Variants in UCHL3 observed in about 807,000 individuals in gnomAD.
UCHL3 encodes ubiquitin carboxyl-terminal hydrolase isozyme L3.
A neutral mutation model predicts 35.8 loss-of-function variants in UCHL3; 22 were observed. That is an observed-to-expected ratio of 0.61 (90% CI 0.44 to 0.88). The LOEUF (loss-of-function observed/expected upper bound fraction) is 0.88. Ranked by LOEUF, UCHL3 falls within the 40% of genes least tolerant of loss-of-function variation. The pLI, the probability that UCHL3 is intolerant of heterozygous loss-of-function variation, is 0.00. For synonymous variants in UCHL3, 90 were observed against 92.8 expected (o/e 0.97, Z 0.17); for missense variants, 229 against 276.9 (o/e 0.83, Z 1.23).
chr13:75,560,907 T>G (rs781315665), intron 3 of UCHL3, 26 bp downstream of exon 3: 2 of 1,488,608 alleles, frequency 1.3e-6, no homozygotes, highest in African/African-American at 2.9e-5. Context: ...AATAGAAAGT[T>G]TCTGGTAAAT....
chr13:75,602,041 A>G (rs949167456), intron 7 of UCHL3, among the ~76,000 whole-genome samples: 19 of 152,212 alleles, frequency 1.2e-4, no homozygotes, highest in Middle Eastern at 3.4e-3. Flanking sequence ...CCCGGGAGGC[A>G]GAGCTTGCAG....
At chr13:75,587,162 A>C (rs1441039349) in intron 6 of UCHL3, among the ~76,000 whole-genome samples, 1 of 152,030 alleles carries the variant, frequency 6.6e-6, no homozygotes, top group Non-Finnish European at 1.5e-5. Context: ...AATAAAGGGA[A>C]TATTGTTTAA....
At chr13:75,550,484 C>T (rs1449119224) in intron 2 of UCHL3, among the ~76,000 whole-genome samples, 2 of 152,180 alleles carry the variant, frequency 1.3e-5, no homozygotes, top group Non-Finnish European at 2.9e-5. Context: ...TTCCCCGCCA[C>T]GCCCCCTTTA....
chr13:75,559,283 A>T (rs9543975), intron 2 of UCHL3, among the ~76,000 whole-genome samples: 1 of 151,746 alleles, frequency 6.6e-6, no homozygotes, highest in Non-Finnish European at 1.5e-5. Context: ...CTCGTGATCC[A>T]CCCGCCTCGG....
At chr13:75,593,249 A>G (rs2032559573) in intron 6 of UCHL3, among the ~76,000 whole-genome samples, 1 of 152,176 alleles carries the variant, frequency 6.6e-6, no homozygotes, top group Non-Finnish European at 1.5e-5. Context: ...TATAGAATTA[A>G]AGTTACAGTT....
intron 6 of UCHL3, among the ~76,000 whole-genome samples, chr13:75,589,335 T>C (rs963415983): frequency 6.6e-6 from 1 of 152,190 alleles, no homozygotes; most frequent in African/African-American, 2.4e-5. Context: ...AAAAGATGCG[T>C]ATTATATTTA....
intron 7 of UCHL3, among the ~76,000 whole-genome samples, chr13:75,599,577 G>T (rs1169367539): frequency 1.3e-5 from 2 of 152,026 alleles, no homozygotes; most frequent in African/African-American, 4.8e-5. Flanking sequence ...ATCTGTTATG[G>T]TATCTGTGAT....
intron 6 of UCHL3, among the ~76,000 whole-genome samples, chr13:75,587,635 G>A (rs950388809): frequency 6.6e-6 from 1 of 152,132 alleles, no homozygotes; most frequent in African/African-American, 2.4e-5. Context: ...GAAGTAAAAT[G>A]TCATAGTCAA....
chr13:75,599,633 A>G (rs2138584865), intron 7 of UCHL3, among the ~76,000 whole-genome samples: 1 of 152,264 alleles, frequency 6.6e-6, no homozygotes, highest in East Asian at 1.9e-4. Context: ...GGATGCCACA[A>G]ACTATACCCA....
At chr13:75,602,672 A>G (rs2032808207) in intron 7 of UCHL3, among the ~76,000 whole-genome samples, 1 of 152,214 alleles carries the variant, frequency 6.6e-6, no homozygotes, top group Non-Finnish European at 1.5e-5. Context: ...TCTGTGAAGG[A>G]CCAAGTAGTA....
rs115651477 is a variant in UCHL3 at position 75,559,677 on chromosome 13, G to A, written c.55-1076G>A. ...TCTAAGTACATGTGATCATTCTTCAGGGAGAAATGCCTATGGCACCTTTTT... is the reference window on the plus strand; with the variant it reads ...TCTAAGTACATGTGATCATTCTTCAAGGAGAAATGCCTATGGCACCTTTTT... On this transcript the variant is annotated intron_variant, in intron 2 of 8. Coordinates refer to ENST00000377595, the MANE Select transcript of UCHL3 (RefSeq NM_006002.5). 4.1e-3 allele frequency among the ~76,000 whole-genome samples: 630 copies of A among 152,284 alleles called. 8 individuals are homozygous for A. Among genetic ancestry groups the A allele is most frequent in the African/African-American group, 0.015 (613 of 41,560 alleles).
rs375665851 is a variant in UCHL3, at chr13:75,563,125, CTTTATGTATGTA to C, written c.183+2246_183+2257del. Among the ~76,000 whole-genome samples, 976 of 146,248 alleles carry C rather than the reference CTTTATGTATGTA, an allele frequency of 6.7e-3. 11 individuals are homozygous for C. The highest frequency in any genetic ancestry group is 8.3e-3 in the Non-Finnish European group (555 of 67,162). On this transcript the variant is annotated intron_variant, in intron 3 of 8. Coordinates refer to ENST00000377595, the MANE Select transcript of UCHL3 (RefSeq NM_006002.5). Reference sequence around the variant, plus strand: ...GAACTGTCATGGGTACCTCATTATCCTTTATGTATGTATGTATGTATGTATGTATGTATGTAT... The same window carrying C: ...GAACTGTCATGGGTACCTCATTATCCTGTATGTATGTATGTATGTATGTAT...
At chr13:75,569,539 TATA>T (rs750915224) in intron 6 of UCHL3, 32 bp downstream of exon 6, 15 of 1,582,430 alleles carry the variant, frequency 9.5e-6, no homozygotes, top group African/African-American at 1.4e-5. Context: ...TTTTTCTTGC[TATA>T]AATTTAACCA....
chr13:75,575,916 T>C (rs1455770604), intron 6 of UCHL3, among the ~76,000 whole-genome samples: 1 of 151,856 alleles, frequency 6.6e-6, no homozygotes, highest in Non-Finnish European at 1.5e-5. Flanking sequence ...CACACCCAGC[T>C]AATTTTTATA....
At chr13:75,600,888 C>A (rs2032766195) in intron 7 of UCHL3, among the ~76,000 whole-genome samples, 1 of 152,100 alleles carries the variant, frequency 6.6e-6, no homozygotes, top group Admixed American at 6.6e-5. Context: ...AAAGGATTCA[C>A]CATTTTAGAT....
intron 7 of UCHL3, among the ~76,000 whole-genome samples, chr13:75,602,112 AAAAAC>A (rs531142459): frequency 2.6e-4 from 40 of 151,882 alleles, no homozygotes; most frequent in East Asian, 1.4e-3. Context: ...CTGTCTCAAA[AAAAAC>A]AAAAACAAAA....
intron 7 of UCHL3, among the ~76,000 whole-genome samples, chr13:75,601,889 C>T (rs779174735): frequency 1.3e-5 from 2 of 152,078 alleles, no homozygotes; most frequent in African/African-American, 2.4e-5. Flanking sequence ...GTGGGTGGAT[C>T]ACAAGGTCAG....
intron 6 of UCHL3, among the ~76,000 whole-genome samples, chr13:75,587,628 G>A (rs568874477): frequency 3.3e-4 from 50 of 152,260 alleles, no homozygotes; most frequent in African/African-American, 9.9e-4. Flanking sequence ...GCAAATGGAA[G>A]TAAAATGTCA....
At chr13:75,600,279 A>T (rs997839124) in intron 7 of UCHL3, among the ~76,000 whole-genome samples, 1 of 152,200 alleles carries the variant, frequency 6.6e-6, no homozygotes, top group African/African-American at 2.4e-5. Flanking sequence ...TCAAGCTCAG[A>T]TCTTCCGTGA....
Sources: allele counts gnomAD v4.1 joint callset (sites outside exome capture counted in the v4.1 genomes callset), GRCh38; gene constraint gnomAD v4.1.1; transcripts MANE v1.5; gene names NCBI Gene and HGNC (gene_info 2026-07-23, HGNC 2026-07-21).